The following LRRC4C variants were observed in gnomAD, a reference collection of about 807,000 sequenced individuals.
LRRC4C encodes leucine-rich repeat-containing protein 4C.
LRRC4C carries 5 observed loss-of-function variants against 33.6 expected under a neutral mutation model. The ratio of observed to expected loss-of-function variants is 0.15; its 90% CI spans 0.08 to 0.31. LRRC4C has a LOEUF of 0.31. LRRC4C is among the 10% of genes least tolerant of loss of function. LRRC4C has a pLI of 1.00. For synonymous variants in LRRC4C, 329 were observed against 302.0 expected (o/e 1.09, Z -0.93); for missense variants, 560 against 796.7 (o/e 0.70, Z 3.58).
intron 3 of LRRC4C, among the ~76,000 whole-genome samples, chr11:40,549,165 C>T (rs1591073226): frequency 6.6e-6 from 1 of 152,020 alleles, no homozygotes; most frequent in African/African-American, 2.4e-5. Context: ...TTATGTTTGT[C>T]CTAATCAAAG....
intron 1 of LRRC4C, among the ~76,000 whole-genome samples, chr11:41,196,426 T>C (rs1443226456): frequency 6.6e-6 from 1 of 152,106 alleles, no homozygotes; most frequent in Non-Finnish European, 1.5e-5. Context: ...ACTTAAATCA[T>C]AAACTTACAC....
intron 3 of LRRC4C, among the ~76,000 whole-genome samples, chr11:40,500,742 G>T (rs1045211758): frequency 3.9e-5 from 6 of 152,062 alleles, no homozygotes; most frequent in South Asian, 2.1e-4. Flanking sequence ...TGAGATTTGG[G>T]TGGGGACACA....
chr11:41,333,895 T>G (rs1951371648), intron 1 of LRRC4C, among the ~76,000 whole-genome samples: 2 of 152,190 alleles, frequency 1.3e-5, no homozygotes, highest in Non-Finnish European at 2.9e-5. Flanking sequence ...AAACATTTGT[T>G]TAAAAAGTTC....
chr11:40,860,651 T>A (rs145730674), intron 2 of LRRC4C, among the ~76,000 whole-genome samples: 178 of 152,162 alleles, frequency 1.2e-3, no homozygotes, highest in Middle Eastern at 3.4e-3. Context: ...AGAACACTAG[T>A]CATATTGAAT....
chr11:40,268,899 G>C (rs1281203568), intron 4 of LRRC4C, among the ~76,000 whole-genome samples: 2 of 152,128 alleles, frequency 1.3e-5, no homozygotes, highest in Non-Finnish European at 2.9e-5. Flanking sequence ...CGCCAGTCTA[G>C]AGACTCTAGG....
intron 5 of LRRC4C, among the ~76,000 whole-genome samples, chr11:40,176,027 T>A (rs1860453711): frequency 6.6e-6 from 1 of 152,060 alleles, no homozygotes; most frequent in African/African-American, 2.4e-5. Context: ...ATAGCTCACA[T>A]CAAGATGATA....
intron 2 of LRRC4C, among the ~76,000 whole-genome samples, chr11:40,824,417 G>A (rs1026315231): frequency 6.6e-6 from 1 of 151,808 alleles, no homozygotes; most frequent in African/African-American, 2.4e-5. Flanking sequence ...GTAGGAAAGT[G>A]TCTTAATTCT....
chr11:40,576,418 T>C (rs988929364), intron 3 of LRRC4C, among the ~76,000 whole-genome samples: 8 of 152,230 alleles, frequency 5.3e-5, no homozygotes, highest in Admixed American at 1.3e-4. Flanking sequence ...ACTTGGCCTA[T>C]AGCCTTGTAC....
At chr11:40,189,604 C>T (rs1861671964) in intron 5 of LRRC4C, among the ~76,000 whole-genome samples, 1 of 151,996 alleles carries the variant, frequency 6.6e-6, no homozygotes, top group Admixed American at 6.6e-5. Flanking sequence ...GACTTGAAGT[C>T]GATTTAAATA....
At chr11:41,417,472 G>A (rs1954726726) in intron 1 of LRRC4C, among the ~76,000 whole-genome samples, 1 of 152,020 alleles carries the variant, frequency 6.6e-6, no homozygotes, top group Admixed American at 6.6e-5. Flanking sequence ...CAGATTACAT[G>A]TAGTGACCCT....
At chr11:41,024,348 C>A (rs1322425252) in intron 1 of LRRC4C, among the ~76,000 whole-genome samples, 1 of 151,680 alleles carries the variant, frequency 6.6e-6, no homozygotes, top group Non-Finnish European at 1.5e-5. Flanking sequence ...TTTTTTGACA[C>A]AAATTTTGCC....
In LRRC4C at chr11:41,426,948, T is replaced by A. The variant is rs183148851; in HGVS notation, c.-496+32483A>T. ...AAAGAGAAGTGGAAATATTCAGTCT[T>A]CTTCAATACTGAGTTAAAAGTCCCA... On this transcript the variant is annotated intron_variant, in intron 1 of 6. Transcript: ENST00000528697. 5.0e-3 allele frequency among the ~76,000 whole-genome samples: 765 copies of A among 152,302 alleles called. 4 individuals carry two copies. The highest frequency in any genetic ancestry group is 7.6e-3 in the Non-Finnish European group (520 of 68,010).
chr11:41,082,469 G>C (rs1351080850), intron 1 of LRRC4C, among the ~76,000 whole-genome samples: 1 of 129,474 alleles, frequency 7.7e-6, no homozygotes, highest in Non-Finnish European at 1.6e-5. Flanking sequence ...TGAAATCTTA[G>C]AGTTCCTCTT....
chr11:40,468,665 T>A (rs1259450463), intron 3 of LRRC4C, among the ~76,000 whole-genome samples: 1 of 152,244 alleles, frequency 6.6e-6, no homozygotes, highest in East Asian at 1.9e-4. Context: ...AGTGTATGTG[T>A]ACATGTGTAT....
chr11:40,887,039 CAT>C (rs2136075163), intron 2 of LRRC4C, among the ~76,000 whole-genome samples: 1 of 149,322 alleles, frequency 6.7e-6, no homozygotes, highest in East Asian at 2.0e-4. Flanking sequence ...TATATATATA[CAT>C]ATAGAAAGTA....
chr11:40,336,430 G>T (rs1015290900), intron 3 of LRRC4C, among the ~76,000 whole-genome samples: 5 of 152,128 alleles, frequency 3.3e-5, no homozygotes, highest in African/African-American at 1.2e-4. Context: ...GGACAAACTT[G>T]AATGCCGCAG....
intron 5 of LRRC4C, among the ~76,000 whole-genome samples, chr11:40,202,635 C>T (rs1317300871): frequency 6.6e-6 from 1 of 152,142 alleles, no homozygotes; most frequent in African/African-American, 2.4e-5. Context: ...GTAAGGATGA[C>T]AGCAGTTGAC....
At chr11:40,681,194 AT>A (rs1174808577) in intron 2 of LRRC4C, among the ~76,000 whole-genome samples, 2 of 152,230 alleles carry the variant, frequency 1.3e-5, no homozygotes, top group Admixed American at 1.3e-4. Flanking sequence ...ATGGGCACTG[AT>A]GAACCAAAAT....
chr11:41,411,042 G>T (rs946872624), intron 1 of LRRC4C, among the ~76,000 whole-genome samples: 2 of 151,318 alleles, frequency 1.3e-5, no homozygotes, highest in Non-Finnish European at 2.9e-5. Context: ...CCAATTGTCA[G>T]CCACCTGTGT....
Sources: gnomAD v4.1 joint callset for allele counts (sites outside exome capture counted in the v4.1 genomes callset) on GRCh38, gnomAD v4.1.1 for gene constraint, MANE v1.5 for transcripts, NCBI Gene and HGNC (gene_info 2026-07-23, HGNC 2026-07-21) for gene names.